The following PRKD3 variants were observed in gnomAD, a reference collection of about 807,000 sequenced individuals.
The protein encoded by PRKD3 is serine/threonine-protein kinase D3.
PRKD3 carries 47 observed loss-of-function variants against 99.2 expected under a neutral mutation model. The observed-to-expected ratio is 0.47, with a 90% confidence interval of 0.38 to 0.60. The LOEUF (loss-of-function observed/expected upper bound fraction) is 0.60, where lower values mean the gene tolerates loss of function less well. Ranked by LOEUF, PRKD3 falls within the 20% of genes least tolerant of loss-of-function variation. The pLI, the probability that PRKD3 is intolerant of heterozygous loss-of-function variation, is 0.00. For missense variants in PRKD3, 1,019 were observed against 1,088.4 expected (o/e 0.94, Z 0.90); for synonymous variants, 392 against 355.4 (o/e 1.10, Z -1.16).
At position 37,259,678 on chromosome 2, in the gene PRKD3, G is replaced by A. The variant is rs1281305118; in HGVS notation, c.2050C>T (p.Leu684Phe). ...RITKFMVTQI[L>F]VALRNLHFKN... is the part of the protein sequence containing the mutation. The stretch of plus-strand genomic sequence containing the variant: ...AAATGCAGATTCCTCAAAGCAACAA[G>A]TATCTGTTATGAAAAAAGATTTTCT... The change falls in exon 16 of 19, where the codon CTT (leucine) becomes TTT (phenylalanine). Residue 684 changes from leucine (L) to phenylalanine (F), a missense_variant. Leu to Phe is a conservative substitution (Grantham distance 22). Transcript: ENST00000234179. The A allele has an allele frequency of 1.9e-6, 3 of 1,605,064 alleles. No homozygotes were observed. The highest frequency in any genetic ancestry group is 3.4e-5 in the Admixed American group (2 of 59,520).
At chr2:37,295,473 A>C (rs1186141951) in intron 2 of PRKD3, among the ~76,000 whole-genome samples, 1 of 152,110 alleles carries the variant, frequency 6.6e-6, no homozygotes, top group Non-Finnish European at 1.5e-5. Context: ...CTTGAGACTA[A>C]AGAATGAGAT....
intron 2 of PRKD3, among the ~76,000 whole-genome samples, chr2:37,307,402 T>C (rs987874670): frequency 6.6e-6 from 1 of 152,200 alleles, no homozygotes; most frequent in Admixed American, 6.5e-5. Context: ...ACTAATTATC[T>C]GACAATCTAA....
chr2:37,279,100 AAT>A (rs1335072417), intron 8 of PRKD3: 1 of 152,178 alleles, frequency 6.6e-6, no homozygotes. Flanking sequence ...GACTGAAATA[AAT>A]GACTCATTTT....
intron 13 of PRKD3, 95 bp downstream of exon 13, chr2:37,269,520 C>A: frequency 8.9e-7 from 1 of 1,122,838 alleles, no homozygotes; most frequent in Non-Finnish European, 1.3e-6. Context: ...AGGCACTGGA[C>A]AAAACTATGA....
chr2:37,322,983 T>C (rs1312867238), intron 1 of PRKD3, among the ~76,000 whole-genome samples: 1 of 150,652 alleles, frequency 6.6e-6, no homozygotes, highest in Non-Finnish European at 1.5e-5. Flanking sequence ...TTTAAAAAAA[T>C]GAGAACAAAA....
intron 13 of PRKD3, chr2:37,268,175 T>A (rs1668971941): frequency 2.7e-6 from 1 of 371,500 alleles, no homozygotes; most frequent in Non-Finnish European, 5.4e-6. Flanking sequence ...CAAATATGTA[T>A]CTGACTTGCT....
intron 7 of PRKD3, among the ~76,000 whole-genome samples, chr2:37,281,672 T>C (rs1669863687): frequency 6.6e-6 from 1 of 152,136 alleles, no homozygotes; most frequent in African/African-American, 2.4e-5. Context: ...ATATGCTACC[T>C]AGCCTATGGT....
intron 18 of PRKD3, among the ~76,000 whole-genome samples, chr2:37,253,898 A>T (rs559542783): frequency 6.6e-6 from 1 of 152,332 alleles, no homozygotes; most frequent in East Asian, 1.9e-4. Context: ...GCAAAAATAA[A>T]TCCTTCAGTA....
intron 2 of PRKD3, among the ~76,000 whole-genome samples, chr2:37,302,273 A>G (rs1468834868): frequency 6.6e-6 from 1 of 152,206 alleles, no homozygotes; most frequent in Non-Finnish European, 1.5e-5. Context: ...TTTGCTTACT[A>G]CAAACTGTGC....
chr2:37,264,599 C>T (rs1467059717), intron 14 of PRKD3, among the ~76,000 whole-genome samples: 2 of 151,942 alleles, frequency 1.3e-5, no homozygotes, highest in African/African-American at 2.4e-5. Flanking sequence ...AAAATCCTGA[C>T]GGAGACAAGG....
rs1388368527 is a variant in PRKD3 at position 37,252,862 on chromosome 2, T to TATATATATATATAA, written c.*314_*315insTTATATATATATAT. Reference sequence around the variant, plus strand: ...ATATTTATATTTATATATATATATATAAAGAGAAATGGGAAGACAAATTAA... The same window carrying TATATATATATATAA: ...ATATTTATATTTATATATATATATATATATATATATATAAAAAGAGAAATGGGAAGACAAATTAA... On this transcript the variant is annotated 3_prime_UTR_variant, in exon 19 of 19. Coordinates refer to ENST00000234179, the MANE Select transcript of PRKD3 (RefSeq NM_005813.6). 1.3e-5 allele frequency: 2 copies of TATATATATATATAA among 148,792 alleles called. No individual in the cohort carries two copies. Among genetic ancestry groups the TATATATATATATAA allele is most frequent in the Non-Finnish European group, 3.0e-5 (2 of 67,554 alleles). 9.2% of individuals were successfully genotyped at this position (148,792 alleles called of 1,614,324 possible).
At position 37,282,670 on chromosome 2, in the gene PRKD3, C is replaced by T. The variant is rs17020441; in HGVS notation, c.911-51G>A. 1.3e-3 allele frequency: 1,656 copies of T among 1,246,478 alleles called. 14 individuals carry two copies. In the African/African-American group the frequency reaches 0.014, roughly 10 times the overall value. 77.2% of individuals were successfully genotyped at this position (1,246,478 alleles called of 1,614,324 possible). The stretch of plus-strand genomic sequence containing the variant: ...AATTTATGTAAAAGTCAAGCAGTAT[C>T]AGATATGGTTAGACTTTCTTTAAAT... On this transcript the variant is annotated intron_variant, in intron 6 of 18. Coordinates refer to ENST00000234179, the MANE Select transcript of PRKD3 (RefSeq NM_005813.6).
intron 6 of PRKD3, 137 bp downstream of exon 6, chr2:37,286,040 T>C: frequency 3.7e-6 from 3 of 804,486 alleles, no homozygotes; most frequent in South Asian, 4.6e-5. Context: ...ATATTTTGTT[T>C]ATATTTCTCT....
chr2:37,262,292 T>C lies in PRKD3; in HGVS notation c.1885-1908A>G, dbSNP rs375591017. On this transcript the variant is annotated intron_variant, in intron 14 of 18. Transcript: ENST00000234179. ...CCACATTCTCTCTCTTTGGGACTAC[T>C]GCAATAGTTTCCACTGTATTGTAAT... 6.6e-5 allele frequency among the ~76,000 whole-genome samples: 10 copies of C among 152,346 alleles called. No individual in the cohort carries two copies. The South Asian group carries it at 8.3e-4, about 13-fold the overall frequency.
intron 7 of PRKD3, among the ~76,000 whole-genome samples, chr2:37,280,896 CT>C (rs1286287004): frequency 6.6e-6 from 1 of 152,132 alleles, no homozygotes; most frequent in Non-Finnish European, 1.5e-5. Flanking sequence ...TTTAAAAATT[CT>C]TACAGCTCAA....
intron 12 of PRKD3, among the ~76,000 whole-genome samples, chr2:37,270,334 GCT>G (rs1200663878): frequency 7.1e-6 from 1 of 140,398 alleles, no homozygotes; most frequent in Non-Finnish European, 1.5e-5. Context: ...AAGGAGATTT[GCT>G]CTCATTGATT....
At chr2:37,303,564 C>T (rs996086794) in intron 2 of PRKD3, among the ~76,000 whole-genome samples, 10 of 152,050 alleles carry the variant, frequency 6.6e-5, no homozygotes, top group Non-Finnish European at 1.3e-4. Context: ...AAGTCTGCTC[C>T]TGCCATCACT....
At chr2:37,260,465 G>C (rs2148495401) in intron 14 of PRKD3, 81 bp from the exon 15 acceptor site, 1 of 1,265,218 alleles carries the variant, frequency 7.9e-7, no homozygotes, top group Non-Finnish European at 1.1e-6. Context: ...ATGATTGTCT[G>C]AAATGGCACA....
intron 2 of PRKD3, among the ~76,000 whole-genome samples, chr2:37,307,531 T>C (rs1369918067): frequency 6.6e-6 from 1 of 152,208 alleles, no homozygotes; most frequent in Admixed American, 6.5e-5. Context: ...CTATAAATCA[T>C]CTCATCAATA....
Sources: gnomAD v4.1 joint callset for allele counts (sites outside exome capture counted in the v4.1 genomes callset) on GRCh38, gnomAD v4.1.1 for gene constraint, MANE v1.5 for transcripts, NCBI Gene and HGNC (gene_info 2026-07-23, HGNC 2026-07-21) for gene names.